CACNA2D1: variants seen among roughly 807,000 people sequenced by gnomAD.
CACNA2D1 encodes the protein calcium voltage-gated channel auxiliary subunit alpha2delta 1, also known as voltage-dependent calcium channel subunit alpha-2/delta-1.
CACNA2D1 carries 53 observed loss-of-function variants against 171.5 expected under a neutral mutation model. That is an observed-to-expected ratio of 0.31 (90% confidence interval 0.25 to 0.39). The LOEUF is 0.39. Among genes scored for constraint, CACNA2D1 ranks in the 10% least tolerant of loss-of-function variants. The pLI is 1.00. For missense variants in CACNA2D1, 903 were observed against 1,299.8 expected, an observed-to-expected ratio of 0.69 and a Z score of 4.69; for synonymous variants, 442 against 443.1, an observed-to-expected ratio of 1.00 and a Z score of 0.03.
chr7:81,966,721 A>T (rs1794740517), intron 31 of CACNA2D1, among the ~76,000 whole-genome samples: 1 of 151,526 alleles, frequency 6.6e-6, no homozygotes, highest in South Asian at 2.1e-4. Context: ...ACTTTATAAT[A>T]AACTGTAATA....
In CACNA2D1 at chr7:81,962,426, G is replaced by A. The variant is rs1180591629; in HGVS notation, c.2836+14C>T. 1.9e-5 allele frequency: 30 copies of A among 1,590,972 alleles called. No individual in the cohort carries two copies. Among genetic ancestry groups the A allele is most frequent in the Non-Finnish European group, 2.3e-5 (27 of 1,162,460 alleles). ...TATTGTTATGGCAATGACAAGGTCT[G>A]AGCATTTACATACCTGCCTCAAGGA... On this transcript the variant is annotated intron_variant, in intron 35 of 38. Coordinates refer to ENST00000356860, the MANE Select transcript of CACNA2D1 (RefSeq NM_000722.4).
At chr7:82,443,269 A>C (rs1830647630) in intron 1 of CACNA2D1, 96 bp downstream of exon 1, 527 of 1,011,690 alleles carry the variant, frequency 5.2e-4, no homozygotes, top group East Asian at 1.8e-3. Context: ...CCCCACCCCC[A>C]CGGGCGGAAA....
At chr7:82,318,566 G>A (rs1001568650) in intron 3 of CACNA2D1, among the ~76,000 whole-genome samples, 34 of 152,068 alleles carry the variant, frequency 2.2e-4, no homozygotes, top group African/African-American at 8.2e-4. Context: ...AGAATAAAAA[G>A]GCTAGACCCC....
chr7:82,090,770 C>T (rs1811060230), intron 6 of CACNA2D1, among the ~76,000 whole-genome samples: 1 of 152,042 alleles, frequency 6.6e-6, no homozygotes, highest in South Asian at 2.1e-4. Context: ...ACCTCCTCCA[C>T]ACCTTTAATT....
At position 81,947,836 on chromosome 7, in the gene CACNA2D1, T is replaced by A. The variant is rs558560632; in HGVS notation, c.*2556A>T. 1 of 151,918 alleles carries A rather than the reference T, an allele frequency of 6.6e-6. No homozygotes were observed. The highest frequency in any genetic ancestry group is 1.9e-4 in the East Asian group (1 of 5,186). 9.4% of individuals were successfully genotyped at this position (151,918 alleles called of 1,614,324 possible). On this transcript the variant is annotated 3_prime_UTR_variant, in exon 39 of 39. Transcript: ENST00000356860. ...AAAGCATGAAGACTAATATTAGTCA[T>A]GGGAACAACTTTTATTCAGCTTGTT...
At chr7:82,396,945 C>G (rs144729359) in intron 1 of CACNA2D1, among the ~76,000 whole-genome samples, 17 of 152,324 alleles carry the variant, frequency 1.1e-4, no homozygotes, top group African/African-American at 3.8e-4. Flanking sequence ...AAAGTCCAGT[C>G]ACATCTTTCC....
At chr7:81,951,970 T>TTTTTTTTTTTTTTTTGTTG (rs1792596635) in intron 38 of CACNA2D1, among the ~76,000 whole-genome samples, 1 of 23,960 alleles carries the variant, frequency 4.2e-5, no homozygotes, top group African/African-American at 1.7e-4. Flanking sequence ...GTACAAAGTG[T>TTTTTTTTTTTTTTTTGTTG]TTTTTTTTTT....
At chr7:82,066,654 A>G in intron 7 of CACNA2D1, 130 bp from the exon 8 acceptor site, 1 of 1,353,102 alleles carries the variant, frequency 7.4e-7, no homozygotes. Flanking sequence ...TTCAAATGAG[A>G]GATATCATTT....
At position 81,974,564 on chromosome 7, in the gene CACNA2D1, A is replaced by C. The variant is rs773952228; in HGVS notation, c.1956-12T>G. 1.1e-5 allele frequency: 15 copies of C among 1,316,566 alleles called. No homozygotes were observed. In the South Asian group the frequency reaches 1.4e-4, roughly 13 times the overall value. 81.6% of individuals were successfully genotyped at this position (1,316,566 alleles called of 1,614,324 possible). On this transcript the variant is annotated splice_polypyrimidine_tract_variant and intron_variant, in intron 24 of 38. Transcript: ENST00000356860. ...CATTGCAGTAATCTCTGAAAAAAAA[A>C]CATTTTGAGATATTAGATATTAAAA...
At chr7:82,281,610 C>A (rs1197838173) in intron 3 of CACNA2D1, among the ~76,000 whole-genome samples, 2 of 152,098 alleles carry the variant, frequency 1.3e-5, no homozygotes, top group Admixed American at 6.5e-5. Flanking sequence ...TTATGCCTTG[C>A]CTTTCATTTT....
chr7:82,261,247 A>T (rs1807059166), intron 3 of CACNA2D1, among the ~76,000 whole-genome samples: 1 of 152,208 alleles, frequency 6.6e-6, no homozygotes, highest in African/African-American at 2.4e-5. Flanking sequence ...GGGCCGCCGC[A>T]CCCGGCCTGG....
At chr7:82,346,049 A>G (rs1335323510) in intron 2 of CACNA2D1, among the ~76,000 whole-genome samples, 1 of 152,096 alleles carries the variant, frequency 6.6e-6, no homozygotes, top group Non-Finnish European at 1.5e-5. Context: ...CTGGAATGTG[A>G]GCAAAATGTC....
At chr7:82,352,715 T>C (rs1473129273) in intron 1 of CACNA2D1, among the ~76,000 whole-genome samples, 1 of 152,158 alleles carries the variant, frequency 6.6e-6, no homozygotes, top group Non-Finnish European at 1.5e-5. Context: ...AGACGGTTGA[T>C]AGAAGAGGCT....
intron 1 of CACNA2D1, among the ~76,000 whole-genome samples, chr7:82,393,737 G>A (rs1335729793): frequency 1.3e-5 from 2 of 151,702 alleles, no homozygotes; most frequent in Non-Finnish European, 2.9e-5. Context: ...AAACAAGACA[G>A]GATAAAACTC....
chr7:82,030,960 T>G (rs1365224990), intron 12 of CACNA2D1, among the ~76,000 whole-genome samples: 1 of 151,936 alleles, frequency 6.6e-6, no homozygotes, highest in Non-Finnish European at 1.5e-5. Flanking sequence ...CAGTTATATT[T>G]TATAATTATA....
At chr7:82,242,251 GTACAA>G (rs1365388524) in intron 3 of CACNA2D1, among the ~76,000 whole-genome samples, 4 of 150,730 alleles carry the variant, frequency 2.7e-5, no homozygotes, top group Non-Finnish European at 4.5e-5. Context: ...ATAAGGGAGT[GTACAA>G]TACATCATAC....
intron 20 of CACNA2D1, among the ~76,000 whole-genome samples, chr7:81,993,620 G>A (rs1797769542): frequency 6.6e-6 from 1 of 152,070 alleles, no homozygotes; most frequent in Admixed American, 6.6e-5. Context: ...ATAAAATAGT[G>A]AATAGTGATA....
chr7:81,988,747 C>A (rs937670972), intron 21 of CACNA2D1, among the ~76,000 whole-genome samples: 2 of 152,254 alleles, frequency 1.3e-5, no homozygotes, highest in South Asian at 4.1e-4. Context: ...AATTGAAATT[C>A]TTCAATTCTG....
intron 3 of CACNA2D1, among the ~76,000 whole-genome samples, chr7:82,252,617 C>T (rs1462319886): frequency 6.6e-5 from 10 of 152,268 alleles, no homozygotes; most frequent in East Asian, 1.9e-4. Flanking sequence ...CTTGGCCGGG[C>T]GTGGTGGCTC....
Sources: allele counts gnomAD v4.1 joint callset (sites outside exome capture counted in the v4.1 genomes callset), GRCh38; gene constraint gnomAD v4.1.1; transcripts MANE v1.5; gene names NCBI Gene and HGNC (gene_info 2026-07-23, HGNC 2026-07-21).